The following TBC1D20 variants were observed in gnomAD, a reference collection of about 807,000 sequenced individuals.
TBC1D20 encodes TBC1 domain family member 20.
Under a neutral mutation model 41.6 loss-of-function variants are expected in TBC1D20, and 12 were observed. That is an observed-to-expected ratio of 0.29 (90% CI 0.18 to 0.47). The LOEUF (loss-of-function observed/expected upper bound fraction) is 0.47, where lower values mean the gene tolerates loss of function less well. Ranked by LOEUF, TBC1D20 falls within the 20% of genes least tolerant of loss-of-function variation. TBC1D20 has a pLI of 1.00. For synonymous variants in TBC1D20, 205 were observed against 204.8 expected, an observed-to-expected ratio of 1.00 and a Z score of -0.01; for missense variants, 421 against 517.4, an observed-to-expected ratio of 0.81 and a Z score of 1.81.
intron 2 of TBC1D20, among the ~76,000 whole-genome samples, chr20:446,530 G>A (rs918785114): frequency 2.6e-5 from 4 of 151,896 alleles, no homozygotes; most frequent in Admixed American, 6.6e-5. Context: ...TAGTAGAGAT[G>A]GGGTTTCACC....
Position 438,673 on chromosome 20 carries a change from C to A in TBC1D20, c.1125G>T (p.Leu375=). ...NRFVKLAVMG[L]TVALGAAALA... is the part of the protein sequence containing the mutation. ...GTGCAGCCGCTCCAAGTGCCACTGT[C>A]AGCCCCATCACTGCCAATTTCACAA... Residue 375 remains leucine, a synonymous_variant, in exon 8 of 8, where the codon CTG becomes CTT. Transcript: ENST00000354200. 6.2e-7 allele frequency: 1 copy of A among 1,614,198 alleles called. No individual in the cohort carries two copies. The highest frequency in any genetic ancestry group is 8.5e-7 in the Non-Finnish European group (1 of 1,180,028).
Position 438,453 on chromosome 20 carries a change from G to C in TBC1D20, c.*133C>G. The C allele has an allele frequency of 9.3e-7, 1 of 1,073,036 alleles. No homozygotes were observed. Among genetic ancestry groups the C allele is most frequent in the Non-Finnish European group, 1.3e-6 (1 of 747,124 alleles). 66.5% of individuals were successfully genotyped at this position (1,073,036 alleles called of 1,614,324 possible). A position where few individuals can be genotyped will look rare whatever the true frequency, so the allele number is the denominator to read the frequency against. ...CTCTGAAGTAAAGGCAAACACAAAC[G>C]GGCAGGGCAGGGTGGCAGGAATAAA... is the stretch of plus-strand genomic sequence containing the variant. On this transcript the variant is annotated 3_prime_UTR_variant, in exon 8 of 8. Transcript: ENST00000354200.
intron 1 of TBC1D20, among the ~76,000 whole-genome samples, chr20:455,305 T>C (rs1020554664): frequency 6.6e-6 from 1 of 152,156 alleles, no homozygotes; most frequent in Non-Finnish European, 1.5e-5. Context: ...GAAGCCAAAT[T>C]AAATGGTTAC....
Position 448,067 on chromosome 20 carries a change from G to A in TBC1D20, c.78C>T (p.Asn26=), listed in dbSNP as rs138582181. 303 of 1,611,312 alleles carry A rather than the reference G, an allele frequency of 1.9e-4. 1 individual carries two copies. In the East Asian group the frequency reaches 5.6e-3, roughly 30 times the overall value. Residue 26 remains asparagine, a synonymous_variant, in exon 2 of 8, where the codon AAC becomes AAT. Coordinates refer to ENST00000354200, the MANE Select transcript of TBC1D20 (RefSeq NM_144628.4). The part of the protein sequence containing the change: ...WDGGAEKADF[N]AKRKKKVAEI... ...CTGCCACTTTCTTTTTCCTTTTGGC[G>A]TTAAAGTCTGAAGATAAGGATAGGG...
At position 436,564 on chromosome 20, in the gene TBC1D20, G is replaced by A. The variant is rs2017121652; in HGVS notation, c.*2022C>T. ...TTCCTCAACCCCATCAATTCCTTCAGTATTTACAAACAGGCTTGAGTACTT... is the reference window on the plus strand; with the variant it reads ...TTCCTCAACCCCATCAATTCCTTCAATATTTACAAACAGGCTTGAGTACTT... On this transcript the variant is annotated 3_prime_UTR_variant, in exon 8 of 8. Transcript: ENST00000354200. The A allele has an allele frequency of 2.0e-5, 3 of 153,694 alleles. No individual in the cohort carries two copies. Among genetic ancestry groups the A allele is most frequent in the Non-Finnish European group, 4.4e-5 (3 of 68,042 alleles). 9.5% of individuals were successfully genotyped at this position (153,694 alleles called of 1,614,324 possible). A position where few individuals can be genotyped will look rare whatever the true frequency, so the allele number is the denominator to read the frequency against.
intron 1 of TBC1D20, among the ~76,000 whole-genome samples, chr20:453,702 T>C (rs370916029): frequency 2.7e-5 from 4 of 145,508 alleles, no homozygotes; most frequent in African/African-American, 1.0e-4. Flanking sequence ...CGTGCCACCA[T>C]GCCTGGCTAA....
chr20:444,939 G>A, intron 3 of TBC1D20, 111 bp downstream of exon 3: 1 of 885,982 alleles, frequency 1.1e-6, no homozygotes, highest in Middle Eastern at 2.2e-4. Flanking sequence ...TCAGCAAAAG[G>A]AGAGCTCTGA....
rs928867628 is a variant in TBC1D20 at position 462,349 on chromosome 20, G to C, written c.57C>G (p.Gly19=). The part of the protein sequence containing the change: ...DGPTSGHWDG[G]AEKADFNAKR... The stretch of plus-strand genomic sequence containing the variant: ...CGGCTTCCGTACCTGCCTTCTCCGC[G>C]CCGCCGTCCCAGTGGCCGGAGGTGG... The change falls in exon 1 of 8, where the codon GGC becomes GGG. Residue 19 remains glycine, a synonymous_variant. Coordinates refer to ENST00000354200, the MANE Select transcript of TBC1D20 (RefSeq NM_144628.4). 1 of 1,305,840 alleles carries C rather than the reference G, an allele frequency of 7.7e-7. No homozygotes were observed. Among genetic ancestry groups the C allele is most frequent in the African/African-American group, 1.5e-5 (1 of 65,332 alleles). 80.9% of individuals were successfully genotyped at this position (1,305,840 alleles called of 1,614,324 possible).
rs1005829697 is a variant in TBC1D20 at position 445,613 on chromosome 20, T to C, written c.257-483A>G. Among the ~76,000 whole-genome samples, 3 of 152,166 alleles carry C rather than the reference T, an allele frequency of 2.0e-5. No homozygotes were observed. In the South Asian group the frequency reaches 6.2e-4, roughly 31 times the overall value. ...ATTGAGACTCACATAAAGAACCACC[T>C]AACAACTCTTGACCCAGCAATTCTA... On this transcript the variant is annotated intron_variant, in intron 2 of 7. Coordinates refer to ENST00000354200, the MANE Select transcript of TBC1D20 (RefSeq NM_144628.4).
intron 1 of TBC1D20, among the ~76,000 whole-genome samples, chr20:457,081 C>A (rs1358722339): frequency 6.6e-6 from 1 of 151,796 alleles, no homozygotes; most frequent in Non-Finnish European, 1.5e-5. Context: ...GGATTACAGG[C>A]ATGCACCACC....
At chr20:452,942 G>A (rs556262527) in intron 1 of TBC1D20, among the ~76,000 whole-genome samples, 56 of 152,154 alleles carry the variant, frequency 3.7e-4, no homozygotes, top group African/African-American at 1.1e-3. Flanking sequence ...CTGAGATTGC[G>A]AGTTTGAGAC....
Position 442,045 on chromosome 20 carries a change from T to A in TBC1D20, c.338-2A>T. 6.2e-7 allele frequency: 1 copy of A among 1,608,198 alleles called. No individual in the cohort carries two copies. Among genetic ancestry groups the A allele is most frequent in the Non-Finnish European group, 8.5e-7 (1 of 1,176,044 alleles). On this transcript the variant is annotated splice_acceptor_variant, in intron 3 of 7. Transcript: ENST00000354200. LOFTEE classifies it high-confidence loss of function. ...CTTCTCTCTGTTCCTCTGGCATGCCTGGGGACAGGAACAGAGATGCCTTTG... is the reference window on the plus strand; with the variant it reads ...CTTCTCTCTGTTCCTCTGGCATGCCAGGGGACAGGAACAGAGATGCCTTTG...
At chr20:454,649 A>AAATTAT (rs1438006459) in intron 1 of TBC1D20, among the ~76,000 whole-genome samples, 1 of 122,750 alleles carries the variant, frequency 8.1e-6, no homozygotes, top group Non-Finnish European at 1.8e-5. Flanking sequence ...ACAAAGCTGT[A>AAATTAT]CATTATTATT....
chr20:439,061 C>G lies in TBC1D20; in HGVS notation c.956+47G>C. 6.4e-7 allele frequency: 1 copy of G among 1,571,190 alleles called. No individual in the cohort carries two copies. On this transcript the variant is annotated intron_variant, in intron 7 of 7. Transcript: ENST00000354200. The surrounding 1 kb of genome is among the most constrained non-coding windows in gnomAD (Gnocchi z 4.6). The stretch of plus-strand genomic sequence containing the variant: ...AGACACAAACCTTCCCTCGCTTCTG[C>G]TCATTTACAGCCACCCCCATTCAAC...
In TBC1D20 at chr20:456,249, AC is replaced by A. The variant is rs572154000; in HGVS notation, c.70+6086del. 2.3e-3 allele frequency among the ~76,000 whole-genome samples: 352 copies of A among 152,278 alleles called. 6 individuals are homozygous for A. Among genetic ancestry groups the A allele is most frequent in the African/African-American group, 8.0e-3 (332 of 41,560 alleles). ...GATAGAGTAAGACTCTGTCTCAAAA[AC>A]AAAAAAAAATCTCCAATTTCTTCTG... is the stretch of plus-strand genomic sequence containing the variant. On this transcript the variant is annotated intron_variant, in intron 1 of 7. Coordinates refer to ENST00000354200, the MANE Select transcript of TBC1D20 (RefSeq NM_144628.4).
At chr20:452,637 C>T (rs2017465878) in intron 1 of TBC1D20, among the ~76,000 whole-genome samples, 1 of 152,170 alleles carries the variant, frequency 6.6e-6, no homozygotes, top group Non-Finnish European at 1.5e-5. Context: ...GACTTTTCCA[C>T]TCCAGCAGAA....
chr20:462,223 G>T, intron 1 of TBC1D20, 113 bp downstream of exon 1: 2 of 582,252 alleles, frequency 3.4e-6, no homozygotes, highest in Non-Finnish European at 4.4e-6. Context: ...CCGGAACCCC[G>T]CAGCAGCCCC....
At chr20:449,042 T>C (rs2017392148) in intron 1 of TBC1D20, among the ~76,000 whole-genome samples, 2 of 150,718 alleles carry the variant, frequency 1.3e-5, no homozygotes, top group African/African-American at 4.9e-5. Flanking sequence ...GAGATAGCGT[T>C]CACAACGTTG....
intron 1 of TBC1D20, among the ~76,000 whole-genome samples, chr20:449,578 A>C (rs557178204): frequency 1.3e-5 from 2 of 152,192 alleles, no homozygotes; most frequent in Non-Finnish European, 2.9e-5. Context: ...CCTGGGCGAC[A>C]AAGTGAGACT....
Sources: allele counts gnomAD v4.1 joint callset (sites outside exome capture counted in the v4.1 genomes callset), GRCh38; gene constraint gnomAD v4.1.1; non-coding constraint Gnocchi (gnomAD v3.1); transcripts MANE v1.5; gene names NCBI Gene and HGNC (gene_info 2026-07-23, HGNC 2026-07-21).